The following CAMTA1 variants were observed in gnomAD, a reference collection of about 807,000 sequenced individuals.
The protein encoded by CAMTA1 is calmodulin binding transcription activator 1.
Under a neutral mutation model 170.9 loss-of-function variants are expected in CAMTA1, and 27 were observed. The ratio of observed to expected loss-of-function variants is 0.16; its 90% confidence interval spans 0.12 to 0.22. The LOEUF (loss-of-function observed/expected upper bound fraction) is 0.22, where lower values mean the gene tolerates loss of function less well. CAMTA1 is among the 10% of genes least tolerant of loss of function. The pLI, the probability that CAMTA1 is intolerant of heterozygous loss-of-function variation, is 1.00. For synonymous variants in CAMTA1, 833 were observed against 891.5 expected, an observed-to-expected ratio of 0.93 and a Z score of 1.17; for missense variants, 1,619 against 2,217.2, an observed-to-expected ratio of 0.73 and a Z score of 5.42.
intron 3 of CAMTA1, among the ~76,000 whole-genome samples, chr1:7,068,298 A>G (rs941801147): frequency 6.6e-6 from 1 of 151,358 alleles, no homozygotes; most frequent in African/African-American, 2.4e-5. Flanking sequence ...GACGCTTAAG[A>G]TGCTTGGATT....
At chr1:7,111,349 C>T (rs921905548) in intron 4 of CAMTA1, among the ~76,000 whole-genome samples, 1 of 152,214 alleles carries the variant, frequency 6.6e-6, no homozygotes, top group African/African-American at 2.4e-5. Flanking sequence ...TGATTCTGCC[C>T]TCCCATACCT....
chr1:7,219,648 T>G (rs1353106330), intron 4 of CAMTA1: 1 of 148,708 alleles, frequency 6.7e-6, no homozygotes, highest in African/African-American at 2.5e-5. Flanking sequence ...AACCCCAGTG[T>G]GATAGTCTTT....
intron 6 of CAMTA1, among the ~76,000 whole-genome samples, chr1:7,624,610 A>C (rs893139711): frequency 6.6e-6 from 1 of 152,362 alleles, no homozygotes; most frequent in Non-Finnish European, 1.5e-5. Flanking sequence ...CACAGCCCCC[A>C]GCACAGGGGC....
intron 5 of CAMTA1, among the ~76,000 whole-genome samples, chr1:7,364,078 TG>T (rs1487063273): frequency 6.6e-6 from 1 of 152,212 alleles, no homozygotes; most frequent in Non-Finnish European, 1.5e-5. Flanking sequence ...ATTTTTCACT[TG>T]ACTCCTGAAA....
At chr1:7,199,810 C>A (rs1260690409) in intron 4 of CAMTA1, among the ~76,000 whole-genome samples, 1 of 152,088 alleles carries the variant, frequency 6.6e-6, no homozygotes, top group Admixed American at 6.5e-5. Context: ...TCTAGATATA[C>A]AAAAAGATAA....
intron 4 of CAMTA1, among the ~76,000 whole-genome samples, chr1:7,243,636 T>C (rs1574149661): frequency 6.6e-6 from 1 of 152,232 alleles, no homozygotes; most frequent in East Asian, 1.9e-4. Flanking sequence ...TGTAGCCTTG[T>C]AGTATAGTTT....
chr1:6,937,245 C>T (rs1206524794), intron 3 of CAMTA1, among the ~76,000 whole-genome samples: 1 of 151,630 alleles, frequency 6.6e-6, no homozygotes, highest in African/African-American at 2.4e-5. Flanking sequence ...CTATCATCAC[C>T]AACACCATCA....
At chr1:7,150,587 C>G (rs183320729) in intron 4 of CAMTA1, among the ~76,000 whole-genome samples, 1 of 152,192 alleles carries the variant, frequency 6.6e-6, no homozygotes, top group Non-Finnish European at 1.5e-5. Flanking sequence ...AATAGCACCC[C>G]CGACAACCAA....
At chr1:6,935,018 A>G (rs914215013) in intron 3 of CAMTA1, among the ~76,000 whole-genome samples, 4 of 152,240 alleles carry the variant, frequency 2.6e-5, no homozygotes. Flanking sequence ...GAAATGCAGG[A>G]AAAGTTTCAA....
At chr1:7,603,490 G>A (rs1412655876) in intron 6 of CAMTA1, among the ~76,000 whole-genome samples, 1 of 152,164 alleles carries the variant, frequency 6.6e-6, no homozygotes, top group Admixed American at 6.5e-5. Flanking sequence ...TTTTATCAGA[G>A]ACTAGGATTG....
chr1:7,157,917 T>C (rs1163613762), intron 4 of CAMTA1, among the ~76,000 whole-genome samples: 1 of 152,136 alleles, frequency 6.6e-6, no homozygotes, highest in African/African-American at 2.4e-5. Flanking sequence ...CCCAGCACTT[T>C]GGGAGGCCGA....
chr1:7,472,471 A>G (rs1162460840), intron 6 of CAMTA1, among the ~76,000 whole-genome samples: 2 of 152,076 alleles, frequency 1.3e-5, no homozygotes, highest in African/African-American at 2.4e-5. Flanking sequence ...CACCTGGGAG[A>G]AAACAGCCTC....
At chr1:7,079,935 G>T (rs1030750690) in intron 3 of CAMTA1, among the ~76,000 whole-genome samples, 1 of 152,114 alleles carries the variant, frequency 6.6e-6, no homozygotes, top group African/African-American at 2.4e-5. Context: ...GTAAAATTCC[G>T]TATAGAGTAA....
At chr1:7,672,241 T>C (rs2096066896) in intron 10 of CAMTA1, 1 of 363,500 alleles carries the variant, frequency 2.8e-6, no homozygotes, top group Non-Finnish European at 5.5e-6. Context: ...AGTACAGAGC[T>C]GGCCAGTGCT....
At chr1:6,851,206 G>C (rs1660246205) in intron 3 of CAMTA1, among the ~76,000 whole-genome samples, 1 of 152,096 alleles carries the variant, frequency 6.6e-6, no homozygotes, top group Admixed American at 6.6e-5. Context: ...AAAAGATTAA[G>C]AATAGGGAAA....
At chr1:6,882,292 G>A (rs1402962274) in intron 3 of CAMTA1, among the ~76,000 whole-genome samples, 4 of 152,210 alleles carry the variant, frequency 2.6e-5, no homozygotes, top group Non-Finnish European at 1.5e-5. Flanking sequence ...GGAGCATATG[G>A]CCTGTAGAGG....
In CAMTA1 at chr1:7,158,878, T is replaced by C. The variant is rs1647041640; in HGVS notation, c.302+67507T>C. Among the ~76,000 whole-genome samples the C allele has an allele frequency of 2.0e-5, 3 of 152,006 alleles. No individual in the cohort carries two copies. The South Asian group carries it at 6.2e-4, about 32-fold the overall frequency. On this transcript the variant is annotated intron_variant, in intron 4 of 22. Transcript: ENST00000303635. ...TATGCACAAAGATCAGGAAGGAGGT[T>C]TCCCTTTGGGTTAGGCTTGCTAAGA...
chr1:7,698,086 C>G lies in CAMTA1; in HGVS notation c.2914+20353C>G, dbSNP rs978622269. Among the ~76,000 whole-genome samples the G allele has an allele frequency of 6.7e-3, 961 of 142,568 alleles. 27 individuals carry two copies. The highest frequency in any genetic ancestry group is 0.024 in the African/African-American group (913 of 38,828). The allele number at this position is 142,568 out of a possible 152,430, so 93.5% of individuals were successfully genotyped here. Reference sequence around the variant, plus strand: ...GCCACGCACTGTGACCCCCCCCCCCCCCACCAACATGGCCTTAGACCTGTC... The same window carrying G: ...GCCACGCACTGTGACCCCCCCCCCCGCCACCAACATGGCCTTAGACCTGTC... On this transcript the variant is annotated intron_variant, in intron 11 of 22. Coordinates refer to ENST00000303635, the MANE Select transcript of CAMTA1 (RefSeq NM_015215.4).
chr1:7,644,951 A>ACTGTCTGAGGCG (rs1553232256), intron 7 of CAMTA1, among the ~76,000 whole-genome samples: 1 of 152,204 alleles, frequency 6.6e-6, no homozygotes, highest in African/African-American at 2.4e-5. Flanking sequence ...CCTGGCAATG[A>ACTGTCTGAGGCG]CTGTCTGAGG....
Sources: gnomAD v4.1 joint callset for allele counts (sites outside exome capture counted in the v4.1 genomes callset) on GRCh38, gnomAD v4.1.1 for gene constraint, MANE v1.5 for transcripts, NCBI Gene and HGNC (gene_info 2026-07-23, HGNC 2026-07-21) for gene names.